The following CFAP299 variants were observed in gnomAD, a reference collection of about 807,000 sequenced individuals.
CFAP299 encodes the protein cilia and flagella associated protein 299.
Under a neutral mutation model 27.0 loss-of-function variants are expected in CFAP299, and 21 were observed. That is an observed-to-expected ratio of 0.78 (90% CI 0.55 to 1.12). The LOEUF is 1.12. Among genes scored for constraint, CFAP299 ranks in the 50% most tolerant of loss-of-function variants. CFAP299 has a pLI of 0.00. For missense variants in CFAP299, 310 were observed against 276.6 expected (o/e 1.12, Z -0.86); for synonymous variants, 104 against 98.1 (o/e 1.06, Z -0.36).
At chr4:80,816,864 C>G (rs1428510823) in intron 3 of CFAP299, among the ~76,000 whole-genome samples, 1 of 152,042 alleles carries the variant, frequency 6.6e-6, no homozygotes, top group Non-Finnish European at 1.5e-5. Context: ...TGCAAGAAAA[C>G]CTCATGAGGT....
At chr4:80,783,603 T>C (rs1359724320) in intron 3 of CFAP299, among the ~76,000 whole-genome samples, 1 of 152,204 alleles carries the variant, frequency 6.6e-6, no homozygotes, top group African/African-American at 2.4e-5. Flanking sequence ...TTTAAAACTA[T>C]AACAAATATT....
intron 2 of CFAP299, among the ~76,000 whole-genome samples, chr4:80,500,126 C>T (rs895089429): frequency 6.6e-6 from 1 of 152,056 alleles, no homozygotes; most frequent in African/African-American, 2.4e-5. Context: ...AGTGAAATTG[C>T]CCTGACTGGC....
intron 4 of CFAP299, among the ~76,000 whole-genome samples, chr4:80,927,015 C>T (rs1051386436): frequency 6.6e-6 from 1 of 151,976 alleles, no homozygotes; most frequent in African/African-American, 2.4e-5. Flanking sequence ...CAGTTCTGGC[C>T]CAGGATAAAC....
chr4:80,800,516 TAATATATAATATATTATA>T (rs1728457859), intron 3 of CFAP299, among the ~76,000 whole-genome samples: 1 of 12,304 alleles, frequency 8.1e-5, no homozygotes, highest in Non-Finnish European at 1.6e-4. Context: ...ATATAATATA[TAATATATAATATATTATA>T]TAATATATAA....
chr4:80,614,632 A>C (rs1738179007), intron 3 of CFAP299, among the ~76,000 whole-genome samples: 2 of 152,158 alleles, frequency 1.3e-5, no homozygotes, highest in Non-Finnish European at 2.9e-5. Flanking sequence ...AAATTAGAAG[A>C]CTTGGGACAA....
chr4:80,352,035 T>G (rs1048609247), intron 1 of CFAP299, among the ~76,000 whole-genome samples: 1 of 151,924 alleles, frequency 6.6e-6, no homozygotes, highest in Non-Finnish European at 1.5e-5. Flanking sequence ...TCAGGCAAAG[T>G]AGACCTCAGA....
intron 2 of CFAP299, among the ~76,000 whole-genome samples, chr4:80,443,587 A>G (rs1578449057): frequency 6.6e-6 from 1 of 152,354 alleles, no homozygotes; most frequent in South Asian, 2.1e-4. Flanking sequence ...CTGAATGGGC[A>G]AAAGCGGGAA....
At chr4:80,745,909 G>A (rs1326264312) in intron 3 of CFAP299, among the ~76,000 whole-genome samples, 2 of 152,028 alleles carry the variant, frequency 1.3e-5, no homozygotes, top group African/African-American at 2.4e-5. Flanking sequence ...ACCCAGTTGG[G>A]ATTTGATGTT....
chr4:80,572,507 G>GGTTTTTTTTTTT (rs1735632154), intron 2 of CFAP299, among the ~76,000 whole-genome samples: 1 of 36,380 alleles, frequency 2.7e-5, no homozygotes, highest in Non-Finnish European at 5.2e-5. Context: ...CTGGATCCCA[G>GGTTTTTTTTTTT]TTTTTTTTTT....
intron 3 of CFAP299, among the ~76,000 whole-genome samples, chr4:80,692,273 C>T (rs1158769691): frequency 1.3e-5 from 2 of 152,178 alleles, no homozygotes; most frequent in African/African-American, 4.8e-5. Context: ...CTGGAGGCAT[C>T]ACACTACCTG....
chr4:80,590,774 T>G (rs1458772926), intron 3 of CFAP299, among the ~76,000 whole-genome samples: 1 of 152,172 alleles, frequency 6.6e-6, no homozygotes, highest in East Asian at 1.9e-4. Flanking sequence ...AAAAACTGTA[T>G]AGTACACATT....
chr4:80,475,905 T>C (rs1031745305), intron 2 of CFAP299, among the ~76,000 whole-genome samples: 2 of 152,162 alleles, frequency 1.3e-5, no homozygotes, highest in African/African-American at 4.8e-5. Flanking sequence ...AAAGATTCAA[T>C]GAGGCTGAGT....
chr4:80,362,456 T>G (rs1488788201), intron 1 of CFAP299, among the ~76,000 whole-genome samples: 1 of 152,056 alleles, frequency 6.6e-6, no homozygotes, highest in Non-Finnish European at 1.5e-5. Flanking sequence ...TCTCATAAAT[T>G]GATTAAAAAC....
At chr4:80,455,962 A>T (rs1481015720) in intron 2 of CFAP299, among the ~76,000 whole-genome samples, 28 of 152,168 alleles carry the variant, frequency 1.8e-4, no homozygotes, top group Admixed American at 1.8e-3. Context: ...AAAAAAAAAG[A>T]TATGCTATGA....
At chr4:80,324,010 G>A in the CFAP299 span, among the ~76,000 whole-genome samples, 3 of 152,236 alleles carry the variant, frequency 2.0e-5, no homozygotes, top group South Asian at 4.2e-4. Context: ...GGATACATGT[G>A]CAGAACGTGC....
At chr4:80,406,676 A>T (rs1251194271) in intron 2 of CFAP299, among the ~76,000 whole-genome samples, 3 of 152,224 alleles carry the variant, frequency 2.0e-5, no homozygotes, top group Non-Finnish European at 4.4e-5. Flanking sequence ...AGCCCCTAGT[A>T]CAAACTTAAT....
chr4:80,353,133 A>G (rs556754071), intron 1 of CFAP299, among the ~76,000 whole-genome samples: 498 of 152,348 alleles, frequency 3.3e-3, no homozygotes, highest in Non-Finnish European at 4.7e-3. Context: ...TTTATAAAAT[A>G]TCAATAAAAT....
At position 80,422,486 on chromosome 4, in the gene CFAP299, G is replaced by T. The variant is rs542745844; in HGVS notation, c.242+59602G>T. On this transcript the variant is annotated intron_variant, in intron 2 of 5. Transcript: ENST00000358105. ...AAGTTCCTGACAGATGAGATTACTTGCAAGGTCTTGTACTTTTTCAAGTTT... is the reference window on the plus strand; with the variant it reads ...AAGTTCCTGACAGATGAGATTACTTTCAAGGTCTTGTACTTTTTCAAGTTT... Among the ~76,000 whole-genome samples, 23 of 152,208 alleles carry T rather than the reference G, an allele frequency of 1.5e-4. No homozygotes were observed. In the South Asian group the frequency reaches 2.9e-3, roughly 19 times the overall value.
intron 3 of CFAP299, among the ~76,000 whole-genome samples, chr4:80,849,824 G>A (rs144740516): frequency 4.3e-4 from 66 of 152,148 alleles, no homozygotes; most frequent in African/African-American, 1.5e-3. Context: ...GGGGACTATT[G>A]TTAAAACAAT....
Sources: allele counts gnomAD v4.1 joint callset (sites outside exome capture counted in the v4.1 genomes callset), GRCh38; gene constraint gnomAD v4.1.1; transcripts MANE v1.5; gene names NCBI Gene and HGNC (gene_info 2026-07-23, HGNC 2026-07-21).